FAM174A: variants seen among roughly 807,000 people sequenced by gnomAD.
FAM174A encodes the protein membrane protein FAM174A.
In FAM174A, 14 loss-of-function variants were observed where a neutral mutation model predicts 14.3. The observed-to-expected ratio is 0.98, with a 90% CI of 0.65 to 1.53. FAM174A has a LOEUF of 1.53. FAM174A is among the 40% of genes most tolerant of loss of function. The pLI is 0.00. For synonymous variants in FAM174A, 108 were observed against 111.4 expected (o/e 0.97, Z 0.19); for missense variants, 241 against 249.6 (o/e 0.97, Z 0.23).
chr5:100,537,769 C>T (rs1438151415), intron 1 of FAM174A, among the ~76,000 whole-genome samples: 1 of 152,124 alleles, frequency 6.6e-6, no homozygotes, highest in Non-Finnish European at 1.5e-5. Context: ...TTATTTACTG[C>T]TGTCTGTACA....
intron 1 of FAM174A, among the ~76,000 whole-genome samples, chr5:100,555,526 C>G (rs35068466): frequency 0.23 from 34,417 of 151,404 alleles, 4,252 homozygotes; most frequent in Admixed American, 0.34. Context: ...AACGGTTGAA[C>G]TAGTTTACAG....
intron 2 of FAM174A, among the ~76,000 whole-genome samples, chr5:100,585,852 A>G (rs567790882): frequency 2.8e-4 from 42 of 152,342 alleles, no homozygotes; most frequent in Non-Finnish European, 5.0e-4. Context: ...ATGTCATTCA[A>G]CAGTCAACTG....
At chr5:100,563,211 G>C (rs1434997750) in intron 2 of FAM174A, among the ~76,000 whole-genome samples, 1 of 151,740 alleles carries the variant, frequency 6.6e-6, no homozygotes, top group Non-Finnish European at 1.5e-5. Context: ...ATTACAGCCT[G>C]AATAGGCAAA....
At chr5:100,550,938 A>G (rs1746250413) in intron 1 of FAM174A, among the ~76,000 whole-genome samples, 1 of 152,114 alleles carries the variant, frequency 6.6e-6, no homozygotes, top group Non-Finnish European at 1.5e-5. Flanking sequence ...AGATGAGGCT[A>G]AAAATGAAAG....
At position 100,574,199 on chromosome 5, in the gene FAM174A, A is replaced by T. The variant is rs373338428; in HGVS notation, c.570-11982A>T. On this transcript the variant is annotated intron_variant, in intron 2 of 2. Transcript: ENST00000312637. ...CTTATAATTTATTTTTATTTTTTTT[A>T]TTTTTTTGAGATGGAATCTTGCTCT... Among the ~76,000 whole-genome samples, 4 of 147,896 alleles carry T rather than the reference A, an allele frequency of 2.7e-5. No individual in the cohort carries two copies. In the South Asian group the frequency reaches 8.5e-4, roughly 31 times the overall value.
At chr5:100,551,896 A>C (rs1228085241) in intron 1 of FAM174A, among the ~76,000 whole-genome samples, 1 of 152,132 alleles carries the variant, frequency 6.6e-6, no homozygotes, top group African/African-American at 2.4e-5. Flanking sequence ...GGCCTACCTT[A>C]ATGATCTCAT....
At chr5:100,556,539 G>T (rs1357029257) in intron 1 of FAM174A, among the ~76,000 whole-genome samples, 3 of 152,090 alleles carry the variant, frequency 2.0e-5, no homozygotes, top group Non-Finnish European at 2.9e-5. Context: ...AGGCAGTATG[G>T]CCATTTTCAC....
At chr5:100,556,819 C>G (rs1746395960) in intron 1 of FAM174A, among the ~76,000 whole-genome samples, 1 of 152,048 alleles carries the variant, frequency 6.6e-6, no homozygotes. Flanking sequence ...CTGAAGTTGC[C>G]TATCAGCTTA....
At chr5:100,551,755 A>G (rs1746267685) in intron 1 of FAM174A, among the ~76,000 whole-genome samples, 1 of 152,144 alleles carries the variant, frequency 6.6e-6, no homozygotes, top group African/African-American at 2.4e-5. Context: ...GAGGTCTGTG[A>G]GGGAAGGATC....
chr5:100,584,321 A>G (rs1018283334), intron 2 of FAM174A, among the ~76,000 whole-genome samples: 21 of 152,124 alleles, frequency 1.4e-4, no homozygotes, highest in Non-Finnish European at 2.6e-4. Flanking sequence ...TCTCTTCCGT[A>G]TTAATAAGTG....
In FAM174A at chr5:100,535,487, C is replaced by T. The variant is rs775147953; in HGVS notation, c.-44C>T. 3.1e-6 allele frequency: 5 copies of T among 1,598,220 alleles called. No homozygotes were observed. The highest frequency in any genetic ancestry group is 1.7e-5 in the Admixed American group (1 of 59,290). ...ATGGTCCCTCTTGGAGCCAGCGTGG[C>T]GGGCCTGGCGGCTCCCGGGTGGTGA... On this transcript the variant is annotated 5_prime_UTR_variant, in exon 1 of 3. Transcript: ENST00000312637.
At position 100,586,292 on chromosome 5, in the gene FAM174A, T is replaced by C. The variant is rs934867059; in HGVS notation, c.*108T>C. 2 of 686,810 alleles carry C rather than the reference T, an allele frequency of 2.9e-6. No individual in the cohort carries two copies. Among genetic ancestry groups the C allele is most frequent in the Non-Finnish European group, 4.8e-6 (2 of 415,446 alleles). The allele number at this position is 686,810 out of a possible 1,614,324, so 42.5% of individuals were successfully genotyped here. A position where few individuals can be genotyped will look rare whatever the true frequency, so the allele number is the denominator to read the frequency against. The stretch of plus-strand genomic sequence containing the variant: ...ATCAATGTTGGGGGGGTATTTAAGT[T>C]ACATATATTTTAACAACCTTTAATT... On this transcript the variant is annotated 3_prime_UTR_variant, in exon 3 of 3. Coordinates refer to ENST00000312637, the MANE Select transcript of FAM174A (RefSeq NM_198507.3).
chr5:100,560,948 C>G lies in FAM174A; in HGVS notation c.435-1106C>G, dbSNP rs75078642. ...TTTGGTCGCCAAAGTAGAAGTCACT[C>G]AGACCCTCAACAATTAATTGAAGAA... On this transcript the variant is annotated intron_variant, in intron 1 of 2. Transcript: ENST00000312637. Among the ~76,000 whole-genome samples, 492 of 152,116 alleles carry G rather than the reference C, an allele frequency of 3.2e-3. 4 individuals are homozygous for G. Among genetic ancestry groups the G allele is most frequent in the African/African-American group, 0.011 (459 of 41,542 alleles).
At position 100,535,644 on chromosome 5, in the gene FAM174A, G is replaced by C. The variant is rs368520127; in HGVS notation, c.114G>C (p.Glu38Asp). ...GPLAVLLQAA[E>D]AAPGLGPPDP... ...TGGCAGTCCTGCTGCAGGCAGCCGA[G>C]GCCGCGCCAGGTCTTGGGCCTCCTG... Residue 38 changes from glutamate to aspartate, a missense_variant, in exon 1 of 3, where the codon GAG becomes GAC. Physicochemically the swap from Glu to Asp is conservative, Grantham distance 45. Coordinates refer to ENST00000312637, the MANE Select transcript of FAM174A (RefSeq NM_198507.3). 2.5e-6 allele frequency: 4 copies of C among 1,612,762 alleles called. No homozygotes were observed. In the African/African-American group the frequency reaches 5.3e-5, roughly 22 times the overall value.
intron 2 of FAM174A, among the ~76,000 whole-genome samples, chr5:100,573,925 AT>A (rs1462596246): frequency 6.6e-6 from 1 of 152,056 alleles, no homozygotes; most frequent in Non-Finnish European, 1.5e-5. Context: ...AACACCGCAT[AT>A]CTACAACTAT....
chr5:100,573,176 C>A (rs986048607), intron 2 of FAM174A, among the ~76,000 whole-genome samples: 2 of 151,924 alleles, frequency 1.3e-5, no homozygotes, highest in African/African-American at 2.4e-5. Flanking sequence ...GAGTAGGTTG[C>A]GAAAATTTTC....
chr5:100,541,856 A>G (rs1310081001), intron 1 of FAM174A, among the ~76,000 whole-genome samples: 2 of 152,106 alleles, frequency 1.3e-5, no homozygotes, highest in Non-Finnish European at 2.9e-5. Context: ...TGTAGCACTC[A>G]GTGCACTGGT....
At chr5:100,571,877 G>A (rs565114593) in intron 2 of FAM174A, among the ~76,000 whole-genome samples, 9 of 151,646 alleles carry the variant, frequency 5.9e-5, no homozygotes, top group Non-Finnish European at 1.0e-4. Flanking sequence ...AGTCTCTGAT[G>A]GCTATAGTTA....
intron 2 of FAM174A, among the ~76,000 whole-genome samples, chr5:100,575,887 C>G (rs1342497519): frequency 6.6e-6 from 1 of 152,186 alleles, no homozygotes; most frequent in African/African-American, 2.4e-5. Context: ...TATGAACAGT[C>G]TACAGTATAA....
Sources: allele counts gnomAD v4.1 joint callset (sites outside exome capture counted in the v4.1 genomes callset), GRCh38; gene constraint gnomAD v4.1.1; transcripts MANE v1.5; gene names NCBI Gene and HGNC (gene_info 2026-07-23, HGNC 2026-07-21).